Variants in FAT4 observed in about 807,000 individuals in gnomAD.
FAT4 encodes FAT atypical cadherin 4, also known as protocadherin Fat 4.
A neutral mutation model predicts 303.9 loss-of-function variants in FAT4; 84 were observed. The observed-to-expected ratio is 0.28, with a 90% CI of 0.23 to 0.33. The LOEUF (loss-of-function observed/expected upper bound fraction) is 0.33, where lower values mean the gene tolerates loss of function less well. Ranked by LOEUF, FAT4 falls within the 10% of genes least tolerant of loss-of-function variation. FAT4 has a pLI of 1.00. For synonymous variants in FAT4, 2,307 were observed against 2,298.8 expected (o/e 1.00, Z -0.10); for missense variants, 6,005 against 6,146.8 (o/e 0.98, Z 0.77).
In FAT4 at chr4:125,476,239, G is replaced by A. The variant is rs780194843; in HGVS notation, c.12282G>A (p.Val4094=). The A allele has an allele frequency of 1.3e-6, 2 of 1,589,040 alleles. No homozygotes were observed. The highest frequency in any genetic ancestry group is 1.1e-5 in the South Asian group (1 of 87,508). Residue 4094 remains valine, a synonymous_variant, in exon 13 of 18, where the codon GTG becomes GTA. Transcript: ENST00000394329. ...CAGGATATTGTACTGTCAGTAATGT[G>A]GCAGTTTCAGATGACTGGTAAGGAA... ...QEPGYCTVSN[V]AVSDDWTLDV...
rs746947592 is a variant in FAT4, at chr4:125,406,925, G to T, written c.5353G>T (p.Asp1785Tyr). 10 of 1,613,770 alleles carry T rather than the reference G, an allele frequency of 6.2e-6. No individual in the cohort carries two copies. Among genetic ancestry groups the T allele is most frequent in the Non-Finnish European group, 7.6e-6 (9 of 1,179,874 alleles). The change falls in exon 4 of 18, where the codon GAT (aspartate) becomes TAT (tyrosine). Residue 1785 changes from aspartate (D) to tyrosine (Y), a missense_variant. Physicochemically the swap from Asp to Tyr is radical, Grantham distance 160 (BLOSUM62 -3). Transcript: ENST00000394329. ...VTYTIISGAD[D>Y]SFRIDPESGD... ...ATACACTATCATTAGTGGAGCTGAT[G>T]ATAGTTTTCGCATCGACCCAGAATC...
chr4:125,371,172 A>T (rs981854238), intron 2 of FAT4, among the ~76,000 whole-genome samples: 1 of 151,420 alleles, frequency 6.6e-6, no homozygotes, highest in Non-Finnish European at 1.5e-5. Context: ...AAAAAGAAGA[A>T]GTTTAAATGT....
At chr4:125,355,708 TC>T (rs1487105125) in intron 2 of FAT4, among the ~76,000 whole-genome samples, 1 of 152,024 alleles carries the variant, frequency 6.6e-6, no homozygotes, top group Non-Finnish European at 1.5e-5. Context: ...GGTAGGTCAA[TC>T]TTTTTTTCTT....
At chr4:125,438,885 A>G (rs1010070834) in intron 8 of FAT4, among the ~76,000 whole-genome samples, 1 of 152,292 alleles carries the variant, frequency 6.6e-6, no homozygotes, top group South Asian at 2.1e-4. Flanking sequence ...TAAATTTTAC[A>G]TGGTTCGGTT....
At chr4:125,379,369 T>C (rs1317787201) in intron 2 of FAT4, among the ~76,000 whole-genome samples, 1 of 151,932 alleles carries the variant, frequency 6.6e-6, no homozygotes, top group African/African-American at 2.4e-5. Flanking sequence ...TTTATGAAAA[T>C]TGCTTGACTT....
At chr4:125,337,412 A>C (rs1235191960) in intron 2 of FAT4, among the ~76,000 whole-genome samples, 2 of 152,106 alleles carry the variant, frequency 1.3e-5, no homozygotes, top group African/African-American at 4.8e-5. Flanking sequence ...TAACTGAATT[A>C]AATGAGATGT....
rs139924242 is a variant in FAT4, at chr4:125,446,357, A to T, written c.7264A>T (p.Ser2422Cys). The T allele has an allele frequency of 1.9e-5, 30 of 1,608,816 alleles. No homozygotes were observed. In the African/African-American group the frequency reaches 4.0e-4, roughly 21 times the overall value. The change falls in exon 9 of 18, where the codon AGC becomes TGC. Residue 2422 changes from serine to cysteine, a missense_variant. Ser to Cys is a moderately radical substitution (Grantham distance 112). Coordinates refer to ENST00000394329, the MANE Select transcript of FAT4 (RefSeq NM_001291303.3). The part of the protein sequence containing the change: ...INPSTGQIIT[S>C]ALLDRETKDN... ...CCCATCGACAGGACAAATCATCACC[A>T]GCGCATTGTTAGATAGGGAAACAAA...
chr4:125,452,772 C>T lies in FAT4; in HGVS notation c.11762C>T (p.Pro3921Leu). 6.2e-7 allele frequency: 1 copy of T among 1,613,608 alleles called. No homozygotes were observed. The highest frequency in any genetic ancestry group is 8.5e-7 in the Non-Finnish European group (1 of 1,179,780). Residue 3921 changes from proline (P) to leucine (L), a missense_variant, in exon 10 of 18, where the codon CCA becomes CTA. Pro to Leu is a moderately conservative substitution (Grantham distance 98). Coordinates refer to ENST00000394329, the MANE Select transcript of FAT4 (RefSeq NM_001291303.3). Reference sequence around the variant, plus strand: ...AATGGTGCCATCTGCCAGAATTTTCCAGGAAGCTTCAACTGTGTTTGCAAA... The same window carrying T: ...AATGGTGCCATCTGCCAGAATTTTCTAGGAAGCTTCAACTGTGTTTGCAAA... The part of the protein sequence containing the change: ...CKNGAICQNF[P>L]GSFNCVCKTG...
chr4:125,408,590 T>A lies in FAT4; in HGVS notation c.5716T>A (p.Tyr1906Asn). Reference sequence around the variant, plus strand: ...CTTTAATTTGACTCGATTATTAGATTATGAAGTACAGCAATATTATATCCT... The same window carrying A: ...CTTTAATTTGACTCGATTATTAGATAATGAAGTACAGCAATATTATATCCT... ...GVFNLTRLLD[Y>N]EVQQYYILTV... Residue 1906 changes from tyrosine (Y) to asparagine (N), a missense_variant, in exon 5 of 18, where the codon TAT (tyrosine) becomes AAT (asparagine). Transcript: ENST00000394329. 2 of 1,612,986 alleles carry A rather than the reference T, an allele frequency of 1.2e-6. No homozygotes were observed. Among genetic ancestry groups the A allele is most frequent in the South Asian group, 1.1e-5 (1 of 91,054 alleles).
chr4:125,344,971 T>C (rs145417084), intron 2 of FAT4, among the ~76,000 whole-genome samples: 1 of 151,954 alleles, frequency 6.6e-6, no homozygotes, highest in Non-Finnish European at 1.5e-5. Context: ...AATGGATGAG[T>C]TTTGCTTTCT....
chr4:125,406,461 A>T (rs995573762), intron 3 of FAT4, among the ~76,000 whole-genome samples: 1 of 152,094 alleles, frequency 6.6e-6, no homozygotes, highest in African/African-American at 2.4e-5. Flanking sequence ...CTTTCTCAAG[A>T]TTGTTTTGGC....
chr4:125,334,483 C>A (rs1462275859), intron 2 of FAT4, among the ~76,000 whole-genome samples: 1 of 152,116 alleles, frequency 6.6e-6, no homozygotes, highest in Non-Finnish European at 1.5e-5. Context: ...TGCTTCCTAT[C>A]AGGTGCTAAT....
chr4:125,318,751 C>A lies in FAT4; in HGVS notation c.2340C>A (p.Thr780=). 6.2e-7 allele frequency: 1 copy of A among 1,613,950 alleles called. No individual in the cohort carries two copies. ...AATCTCCCAACCAGGCAATAGTAAC[C>A]ATCACTGTATTGGACACTCAAGACA... The part of the protein sequence containing the change: ...NLQSPNQAIV[T]ITVLDTQDNP... The change falls in exon 2 of 18, where the codon ACC becomes ACA. Residue 780 remains threonine (T), a synonymous_variant. Coordinates refer to ENST00000394329, the MANE Select transcript of FAT4 (RefSeq NM_001291303.3).
At chr4:125,396,379 A>G (rs1578594606) in intron 2 of FAT4, among the ~76,000 whole-genome samples, 1 of 152,156 alleles carries the variant, frequency 6.6e-6, no homozygotes, top group Non-Finnish European at 1.5e-5. Flanking sequence ...TGCTGAATTC[A>G]TGGACCCACC....
At position 125,408,729 on chromosome 4, in the gene FAT4, C is replaced by G. The variant is rs1734725855; in HGVS notation, c.5855C>G (p.Ser1952Cys). 2 of 1,609,560 alleles carry G rather than the reference C, an allele frequency of 1.2e-6. No individual in the cohort carries two copies. The highest frequency in any genetic ancestry group is 2.2e-5 in the East Asian group (1 of 44,786). Residue 1952 changes from serine to cysteine, a missense_variant, in exon 5 of 18, where the codon TCT becomes TGT. Transcript: ENST00000394329. ...PIFSLNSYST[S>C]LMENLPVGST... ...TTCAGCTTGAATTCATACAGCACAT[C>G]TTTAATGGAGAATCTACCTGTGGGA...
Position 125,321,328 on chromosome 4 carries a change from G to T in FAT4, c.4917G>T (p.Lys1639Asn), listed in dbSNP as rs201005648. 7 of 1,614,126 alleles carry T rather than the reference G, an allele frequency of 4.3e-6. No homozygotes were observed. The highest frequency in any genetic ancestry group is 1.7e-5 in the Admixed American group (1 of 60,014). Reference sequence around the variant, plus strand: ...AACCCAAATATATAACTATTTTGAAGGAAGGAGAACCCATTGGCACAAACG... The same window carrying T: ...AACCCAAATATATAACTATTTTGAATGAAGGAGAACCCATTGGCACAAACG... Reference protein sequence around the residue: ...FTQPKYITILKEGEPIGTNVI... With the variant: ...FTQPKYITILNEGEPIGTNVI... Residue 1639 changes from lysine (K) to asparagine (N), a missense_variant, in exon 2 of 18, where the codon AAG becomes AAT. Physicochemically the swap from Lys to Asn is moderately conservative, Grantham distance 94 (BLOSUM62 0). Transcript: ENST00000394329.
At position 125,406,970 on chromosome 4, in the gene FAT4, A is replaced by G; in HGVS notation, c.5398A>G (p.Arg1800Gly). ...DPESGDLIAT[R>G]RLDRERRSKY... ...AGAATCCGGAGATCTGATAGCAACC[A>G]GGCGGTTGGACAGGGAACGCCGCTC... The change falls in exon 4 of 18, where the codon AGG becomes GGG. Residue 1800 changes from arginine (R) to glycine (G), a missense_variant. By Grantham distance (125) the Arg-to-Gly change is moderately radical. Coordinates refer to ENST00000394329, the MANE Select transcript of FAT4 (RefSeq NM_001291303.3). The G allele has an allele frequency of 6.2e-7, 1 of 1,613,898 alleles. No individual in the cohort carries two copies. The highest frequency in any genetic ancestry group is 2.2e-5 in the East Asian group (1 of 44,850).
intron 2 of FAT4, among the ~76,000 whole-genome samples, chr4:125,374,182 A>C (rs1257321367): frequency 6.6e-6 from 1 of 152,170 alleles, no homozygotes; most frequent in African/African-American, 2.4e-5. Context: ...TGGTCTGTGA[A>C]TCTTACAGAG....
chr4:125,456,528 T>C (rs1726287182), intron 10 of FAT4, among the ~76,000 whole-genome samples: 1 of 151,888 alleles, frequency 6.6e-6, no homozygotes, highest in Admixed American at 6.6e-5. Flanking sequence ...AGATAATTAA[T>C]GTCTGACAGT....
Sources: allele counts gnomAD v4.1 joint callset (sites outside exome capture counted in the v4.1 genomes callset), GRCh38; gene constraint gnomAD v4.1.1; transcripts MANE v1.5; gene names NCBI Gene and HGNC (gene_info 2026-07-23, HGNC 2026-07-21).